TFEC: variants seen among roughly 807,000 people sequenced by gnomAD.
TFEC encodes transcription factor EC, also known as class E basic helix-loop-helix protein 34.
Under a neutral mutation model 41.6 loss-of-function variants are expected in TFEC, and 31 were observed. The ratio of observed to expected loss-of-function variants is 0.74; its 90% CI spans 0.56 to 1.01. TFEC has a LOEUF of 1.01. TFEC is among the 50% of genes least tolerant of loss of function. The pLI, the probability that TFEC is intolerant of heterozygous loss-of-function variation, is 0.00. For missense variants in TFEC, 402 were observed against 404.1 expected (o/e 0.99, Z 0.04); for synonymous variants, 143 against 140.6 (o/e 1.02, Z -0.12).
intron 2 of TFEC, among the ~76,000 whole-genome samples, chr7:115,983,366 T>A (rs1031983288): frequency 1.3e-5 from 2 of 152,142 alleles, no homozygotes; most frequent in African/African-American, 4.8e-5. Context: ...CATTTGGAAT[T>A]TAAATAATGG....
intron 1 of TFEC, among the ~76,000 whole-genome samples, chr7:116,015,122 T>C (rs1041423389): frequency 6.7e-6 from 1 of 149,756 alleles, no homozygotes; most frequent in Non-Finnish European, 1.5e-5. Context: ...AATTATAAAT[T>C]ATTAGAATTA....
intron 3 of TFEC, among the ~76,000 whole-genome samples, chr7:116,061,056 CATAA>C (rs1272077400): frequency 6.6e-6 from 1 of 152,008 alleles, no homozygotes; most frequent in African/African-American, 2.4e-5. Flanking sequence ...AAACTTGATC[CATAA>C]ATAGATTCAG....
intron 1 of TFEC, among the ~76,000 whole-genome samples, chr7:116,112,890 A>T (rs1267342633): frequency 6.6e-6 from 1 of 152,012 alleles, no homozygotes; most frequent in African/African-American, 2.4e-5. Context: ...GATAAGAAAA[A>T]CTTATTAAAA....
intron 5 of TFEC, among the ~76,000 whole-genome samples, chr7:115,953,140 G>A (rs1365061287): frequency 6.6e-6 from 1 of 152,054 alleles, no homozygotes; most frequent in Non-Finnish European, 1.5e-5. Flanking sequence ...GAGGCCACTT[G>A]TAGCACAGAA....
chr7:115,952,486 T>C (rs1308120939), intron 5 of TFEC, among the ~76,000 whole-genome samples: 2 of 152,076 alleles, frequency 1.3e-5, no homozygotes, highest in African/African-American at 2.4e-5. Flanking sequence ...AGAACAACTA[T>C]GAAGGAAGTT....
chr7:116,142,682 A>T (rs1306730774), intron 1 of TFEC, among the ~76,000 whole-genome samples: 3 of 152,182 alleles, frequency 2.0e-5, no homozygotes, highest in African/African-American at 7.2e-5. Flanking sequence ...GGCTATGAAA[A>T]AAGAAAGGAT....
At chr7:115,986,342 G>A (rs1379733306) in intron 1 of TFEC, among the ~76,000 whole-genome samples, 1 of 152,030 alleles carries the variant, frequency 6.6e-6, no homozygotes, top group Non-Finnish European at 1.5e-5. Context: ...CTATATAGAT[G>A]AAGCCACTAA....
chr7:116,093,893 T>C (rs1351138499), intron 3 of TFEC, among the ~76,000 whole-genome samples: 1 of 152,218 alleles, frequency 6.6e-6, no homozygotes, highest in Non-Finnish European at 1.5e-5. Context: ...CTTACCTTCC[T>C]GAGATATAAA....
At chr7:115,965,447 A>ACACATTTG (rs1259171746) in intron 3 of TFEC, among the ~76,000 whole-genome samples, 1 of 151,750 alleles carries the variant, frequency 6.6e-6, no homozygotes, top group Admixed American at 6.6e-5. Flanking sequence ...AGTTTCCATT[A>ACACATTTG]CACATTTGCT....
intron 3 of TFEC, among the ~76,000 whole-genome samples, chr7:116,090,025 A>G (rs1338226506): frequency 6.6e-6 from 1 of 152,152 alleles, no homozygotes. Context: ...ACCTAAGGCC[A>G]TTTCACACTG....
At chr7:116,066,254 C>T (rs1796692397) in intron 3 of TFEC, among the ~76,000 whole-genome samples, 1 of 152,072 alleles carries the variant, frequency 6.6e-6, no homozygotes, top group Non-Finnish European at 1.5e-5. Context: ...AGCTGATCTA[C>T]AAAGATCAAA....
intron 1 of TFEC, among the ~76,000 whole-genome samples, chr7:116,004,739 C>T (rs924761886): frequency 1.3e-5 from 2 of 150,686 alleles, no homozygotes; most frequent in Admixed American, 1.3e-4. Context: ...CATGCAAGTA[C>T]AATGAAGAGA....
At chr7:116,008,933 G>A (rs993608295) in intron 1 of TFEC, among the ~76,000 whole-genome samples, 1 of 152,138 alleles carries the variant, frequency 6.6e-6, no homozygotes. Flanking sequence ...CCAATCATTT[G>A]AATTTGGATA....
At chr7:116,153,758 G>A (rs1158517175) in intron 1 of TFEC, among the ~76,000 whole-genome samples, 2 of 152,072 alleles carry the variant, frequency 1.3e-5, no homozygotes, top group African/African-American at 4.8e-5. Context: ...AGATTGGAAT[G>A]AATTGGACAC....
At chr7:116,050,586 AC>A (rs1427168302) in intron 3 of TFEC, among the ~76,000 whole-genome samples, 1 of 152,224 alleles carries the variant, frequency 6.6e-6, no homozygotes, top group Non-Finnish European at 1.5e-5. Flanking sequence ...GCAAATCAAA[AC>A]CACAATGAGA....
intron 3 of TFEC, among the ~76,000 whole-genome samples, chr7:116,055,773 G>A (rs1796415713): frequency 2.0e-5 from 3 of 151,950 alleles, no homozygotes; most frequent in African/African-American, 4.8e-5. Flanking sequence ...AGGAAAAATG[G>A]AAAGCTTAAA....
intron 1 of TFEC, among the ~76,000 whole-genome samples, chr7:116,004,614 T>A (rs1794718729): frequency 2.0e-5 from 3 of 152,084 alleles, no homozygotes; most frequent in Admixed American, 1.3e-4. Flanking sequence ...AAAACTTCCC[T>A]AAAAAATACA....
At chr7:116,110,629 A>G in intron 3 of TFEC, 1 of 1,055,142 alleles carries the variant, frequency 9.5e-7, no homozygotes, top group Non-Finnish European at 1.2e-6. Context: ...TTTTGAGTAC[A>G]ATTAAAACAG....
chr7:116,095,431 T>C (rs1797429290), intron 3 of TFEC, among the ~76,000 whole-genome samples: 1 of 152,000 alleles, frequency 6.6e-6, no homozygotes, highest in African/African-American at 2.4e-5. Flanking sequence ...CATACACATA[T>C]ACATACACAC....
Sources: allele counts gnomAD v4.1 joint callset (sites outside exome capture counted in the v4.1 genomes callset), GRCh38; gene constraint gnomAD v4.1.1; transcripts MANE v1.5; gene names NCBI Gene and HGNC (gene_info 2026-07-23, HGNC 2026-07-21).